SMC1B: variants seen among roughly 807,000 people sequenced by gnomAD.
SMC1B encodes the protein structural maintenance of chromosomes protein 1B.
SMC1B carries 60 observed loss-of-function variants against 157.9 expected under a neutral mutation model. The observed-to-expected ratio is 0.38, with a 90% CI of 0.31 to 0.47. The LOEUF (loss-of-function observed/expected upper bound fraction) is 0.47. Ranked by LOEUF, SMC1B falls within the 20% of genes least tolerant of loss-of-function variation. The pLI is 0.99. For missense variants in SMC1B, 1,165 were observed against 1,426.2 expected (o/e 0.82, Z 2.95); for synonymous variants, 445 against 483.0 (o/e 0.92, Z 1.03).
chr22:45,401,283 C>T (rs1378243187), intron 5 of SMC1B, among the ~76,000 whole-genome samples: 3 of 152,114 alleles, frequency 2.0e-5, no homozygotes, highest in Admixed American at 6.6e-5. Context: ...TCCCTTTTAA[C>T]GAAAAGCAGC....
At chr22:45,349,839 T>G (rs1310853375) in intron 22 of SMC1B, 42 bp from the exon 23 acceptor site, 1 of 1,476,196 alleles carries the variant, frequency 6.8e-7, no homozygotes, top group Admixed American at 1.9e-5. Context: ...ATTTTCTATT[T>G]GTTTTACAAA....
At chr22:45,353,088 T>C (rs183856967) in intron 21 of SMC1B, among the ~76,000 whole-genome samples, 40 of 152,080 alleles carry the variant, frequency 2.6e-4, no homozygotes, top group Non-Finnish European at 4.9e-4. Context: ...CTGGCCAACA[T>C]GGTGAAACCC....
intron 4 of SMC1B, among the ~76,000 whole-genome samples, chr22:45,406,242 A>G (rs2087257840): frequency 6.6e-6 from 1 of 152,200 alleles, no homozygotes; most frequent in African/African-American, 2.4e-5. Context: ...AGTTGGGAAA[A>G]TCAGACATTT....
At position 45,361,763 on chromosome 22, in the gene SMC1B, T is replaced by A; in HGVS notation, c.2708+76A>T. 2.9e-6 allele frequency: 4 copies of A among 1,384,822 alleles called. No individual in the cohort carries two copies. In the South Asian group the frequency reaches 5.2e-5, roughly 18 times the overall value. The allele number at this position is 1,384,822 out of a possible 1,614,324, so 85.8% of individuals were successfully genotyped here. A position where few individuals can be genotyped will look rare whatever the true frequency, so the allele number is the denominator to read the frequency against. On this transcript the variant is annotated intron_variant, in intron 17 of 24. Coordinates refer to ENST00000357450, the MANE Select transcript of SMC1B (RefSeq NM_148674.5). ...GGGCACATATTCAAATGCAACTCAT[T>A]TCATACATTTCAGATAGTTGGTGTC... is the stretch of plus-strand genomic sequence containing the variant.
chr22:45,376,796 A>G (rs2086888089), intron 12 of SMC1B, among the ~76,000 whole-genome samples: 1 of 152,068 alleles, frequency 6.6e-6, no homozygotes, highest in Non-Finnish European at 1.5e-5. Context: ...CCTTAGTACA[A>G]TGGCTTTGAT....
chr22:45,396,015 T>A (rs944906251), intron 7 of SMC1B, among the ~76,000 whole-genome samples: 1 of 152,220 alleles, frequency 6.6e-6, no homozygotes, highest in Non-Finnish European at 1.5e-5. Flanking sequence ...GAAACTAGCA[T>A]GTACAAAGGC....
At chr22:45,372,077 G>T in intron 13 of SMC1B, 78 bp downstream of exon 13, 2 of 1,198,636 alleles carry the variant, frequency 1.7e-6, no homozygotes, top group Non-Finnish European at 2.3e-6. Flanking sequence ...AAAATTACAT[G>T]GAGCTATATA....
chr22:45,405,548 A>G (rs1272710089), intron 4 of SMC1B, among the ~76,000 whole-genome samples: 1 of 152,004 alleles, frequency 6.6e-6, no homozygotes, highest in Non-Finnish European at 1.5e-5. Flanking sequence ...AAAAGAGACA[A>G]GACTCTCAGT....
intron 15 of SMC1B, among the ~76,000 whole-genome samples, chr22:45,368,994 T>C (rs136564): frequency 0.12 from 17,898 of 152,210 alleles, 1,248 homozygotes; most frequent in South Asian, 0.24. Flanking sequence ...CCATCTTAGA[T>C]TTTTCTATCT....
chr22:45,349,066 G>A (rs1367563440), intron 23 of SMC1B, among the ~76,000 whole-genome samples: 1 of 146,764 alleles, frequency 6.8e-6, no homozygotes, highest in Non-Finnish European at 1.5e-5. Context: ...TCAGGCTGGA[G>A]TGCAGTGGCA....
At chr22:45,374,452 A>T (rs2086865922) in intron 12 of SMC1B, among the ~76,000 whole-genome samples, 1 of 152,238 alleles carries the variant, frequency 6.6e-6, no homozygotes, top group Non-Finnish European at 1.5e-5. Flanking sequence ...ACTTGTCTTT[A>T]GTAAAAATGG....
chr22:45,381,468 A>G (rs987530645), intron 12 of SMC1B, among the ~76,000 whole-genome samples: 7 of 152,118 alleles, frequency 4.6e-5, no homozygotes, highest in Non-Finnish European at 8.8e-5. Context: ...TGCTAAGCTA[A>G]TATTTAGCTT....
chr22:45,353,904 AAAAAAAAAAAAAAAAAC>A (rs1355983894), intron 21 of SMC1B, 57 bp downstream of exon 21: 18 of 626,708 alleles, frequency 2.9e-5, no homozygotes, highest in Admixed American at 1.9e-4. Context: ...AAAAAAAAAA[AAAAAAAAAAAAAAAAAC>A]AACCACCACC....
At chr22:45,372,601 GT>G (rs1371292038) in intron 12 of SMC1B, among the ~76,000 whole-genome samples, 1 of 151,668 alleles carries the variant, frequency 6.6e-6, no homozygotes, top group East Asian at 1.9e-4. Flanking sequence ...TAATTGCCTT[GT>G]TTTTAGTGCA....
At chr22:45,404,741 C>T (rs1448263180) in intron 4 of SMC1B, among the ~76,000 whole-genome samples, 1 of 152,176 alleles carries the variant, frequency 6.6e-6, no homozygotes, top group Non-Finnish European at 1.5e-5. Flanking sequence ...ATACATCTTA[C>T]AAGTATTGAC....
intron 1 of SMC1B, among the ~76,000 whole-genome samples, chr22:45,412,949 C>G (rs2087363571): frequency 6.6e-6 from 1 of 152,194 alleles, no homozygotes; most frequent in Non-Finnish European, 1.5e-5. Flanking sequence ...AAAAGGGACG[C>G]GAGTGACCAG....
chr22:45,397,638 C>T (rs569808920), intron 6 of SMC1B, among the ~76,000 whole-genome samples: 2 of 152,310 alleles, frequency 1.3e-5, no homozygotes, highest in African/African-American at 4.8e-5. Flanking sequence ...ATTTTACATA[C>T]ACCTACCCTT....
chr22:45,362,010 G>C (rs758263677), intron 16 of SMC1B, 26 bp from the exon 17 acceptor site: 6 of 1,595,944 alleles, frequency 3.8e-6, no homozygotes, highest in Admixed American at 1.8e-5. Flanking sequence ...CTGCATTGTA[G>C]ATTTACTATC....
intron 22 of SMC1B, 87 bp downstream of exon 22, chr22:45,352,364 T>C: frequency 8.2e-7 from 1 of 1,213,576 alleles, no homozygotes; most frequent in Non-Finnish European, 1.1e-6. Context: ...TAAATATTAA[T>C]AAAGACAATA....
Sources: allele counts gnomAD v4.1 joint callset (sites outside exome capture counted in the v4.1 genomes callset), GRCh38; gene constraint gnomAD v4.1.1; transcripts MANE v1.5; gene names NCBI Gene and HGNC (gene_info 2026-07-23, HGNC 2026-07-21).